Variants in BAZ2B observed in about 807,000 individuals in gnomAD.
BAZ2B encodes bromodomain adjacent to zinc finger domain protein 2B.
A neutral mutation model predicts 246.0 loss-of-function variants in BAZ2B; 91 were observed. The ratio of observed to expected loss-of-function variants is 0.37; its 90% CI spans 0.31 to 0.44. The LOEUF (loss-of-function observed/expected upper bound fraction) is 0.44. Ranked by LOEUF, BAZ2B falls within the 20% of genes least tolerant of loss-of-function variation. The pLI is 1.00. For missense variants in BAZ2B, 2,332 were observed against 2,533.7 expected (o/e 0.92, Z 1.71); for synonymous variants, 855 against 860.0 (o/e 0.99, Z 0.10).
intron 2 of BAZ2B, among the ~76,000 whole-genome samples, chr2:159,525,657 C>G (rs1412564007): frequency 6.6e-6 from 1 of 152,048 alleles, no homozygotes; most frequent in Non-Finnish European, 1.5e-5. Context: ...AGCTTCTAGA[C>G]CCAACCATTT....
chr2:159,360,444 G>A (rs2059561831), intron 27 of BAZ2B, among the ~76,000 whole-genome samples: 1 of 152,096 alleles, frequency 6.6e-6, no homozygotes, highest in Non-Finnish European at 1.5e-5. Flanking sequence ...ACTGCTCAAG[G>A]AAATAAGAGA....
At chr2:159,652,461 C>T in the BAZ2B span, among the ~76,000 whole-genome samples, 10 of 152,158 alleles carry the variant, frequency 6.6e-5, no homozygotes, top group African/African-American at 2.2e-4. Flanking sequence ...CCACCCACCT[C>T]GGCCTCCTAA....
chr2:159,505,184 G>A (rs1577892253), intron 2 of BAZ2B, among the ~76,000 whole-genome samples: 1 of 152,304 alleles, frequency 6.6e-6, no homozygotes, highest in South Asian at 2.1e-4. Context: ...AGAAGTATAT[G>A]TAATTTCATA....
At chr2:159,419,186 T>G (rs978702215) in intron 13 of BAZ2B, among the ~76,000 whole-genome samples, 1 of 152,166 alleles carries the variant, frequency 6.6e-6, no homozygotes, top group Non-Finnish European at 1.5e-5. Flanking sequence ...AAATTGATCT[T>G]AAAGACCTCT....
chr2:159,512,458 T>A (rs2083029258), intron 2 of BAZ2B, among the ~76,000 whole-genome samples: 2 of 152,190 alleles, frequency 1.3e-5, no homozygotes. Flanking sequence ...TAGAGATTAC[T>A]GGTTTTCCAG....
intron 2 of BAZ2B, among the ~76,000 whole-genome samples, chr2:159,531,787 C>G (rs996914911): frequency 1.3e-5 from 2 of 152,136 alleles, no homozygotes; most frequent in Non-Finnish European, 2.9e-5. Context: ...GCAGATGATA[C>G]ATATATCCCC....
intron 25 of BAZ2B, among the ~76,000 whole-genome samples, chr2:159,381,928 T>C (rs1248103004): frequency 2.0e-5 from 3 of 152,220 alleles, no homozygotes; most frequent in Non-Finnish European, 2.9e-5. Context: ...GCTCAGCTTA[T>C]AGCCTGAGCT....
intron 6 of BAZ2B, among the ~76,000 whole-genome samples, chr2:159,440,514 C>CTGTTTTTTTTTTTTTTTTTTTTTTT (rs1234904617): frequency 1.6e-5 from 1 of 61,416 alleles, no homozygotes; most frequent in African/African-American, 3.6e-5. Context: ...TGCAATGACT[C>CTGTTTTTTTTTTTTTTTTTTTTTTT]TTGTTTTTTT....
At chr2:159,387,015 C>T (rs2062726184) in intron 21 of BAZ2B, among the ~76,000 whole-genome samples, 1 of 152,120 alleles carries the variant, frequency 6.6e-6, no homozygotes, top group Admixed American at 6.6e-5. Flanking sequence ...CTTATAGGGG[C>T]ATGTGCACCA....
At chr2:159,356,937 TA>T (rs1265530163) in intron 27 of BAZ2B, among the ~76,000 whole-genome samples, 1 of 151,856 alleles carries the variant, frequency 6.6e-6, no homozygotes, top group African/African-American at 2.4e-5. Context: ...AACATCAACA[TA>T]AAGGACATCC....
intron 26 of BAZ2B, 143 bp from the exon 27 acceptor site, chr2:159,373,332 C>A (rs2061055420): frequency 3.4e-6 from 2 of 581,916 alleles, no homozygotes; most frequent in Non-Finnish European, 5.3e-6. Context: ...AATATTCATG[C>A]CTGACTTCAA....
At chr2:159,635,373 A>T in the BAZ2B span, among the ~76,000 whole-genome samples, 1 of 132,596 alleles carries the variant, frequency 7.5e-6, no homozygotes, top group Admixed American at 7.2e-5. Flanking sequence ...AAATAAAAAT[A>T]AAAAAAATAA....
chr2:159,570,289 A>T (rs1683666568), intron 1 of BAZ2B, among the ~76,000 whole-genome samples: 1 of 151,078 alleles, frequency 6.6e-6, no homozygotes, highest in Admixed American at 6.6e-5. Context: ...GGTTCAAGAG[A>T]TTCTCTTGCC....
chr2:159,404,965 T>G, intron 15 of BAZ2B, 55 bp from the exon 16 acceptor site: 4 of 1,611,090 alleles, frequency 2.5e-6, no homozygotes, highest in Non-Finnish European at 3.4e-6. Context: ...AAAAGAAAAC[T>G]CTTATGAATT....
At chr2:159,594,871 T>C (rs1002349063) in intron 1 of BAZ2B, among the ~76,000 whole-genome samples, 1 of 152,090 alleles carries the variant, frequency 6.6e-6, no homozygotes, top group African/African-American at 2.4e-5. Context: ...AAGCTCAAGC[T>C]GTTTGCCTGC....
chr2:159,495,398 T>C (rs1003690822), intron 2 of BAZ2B, among the ~76,000 whole-genome samples: 3 of 134,494 alleles, frequency 2.2e-5, no homozygotes, highest in East Asian at 4.4e-4. Context: ...GGCAGGAGAA[T>C]GGCGTGAACC....
rs190923766 is a variant in BAZ2B, at chr2:159,603,130, C to A, written c.-46+13112G>T. On this transcript the variant is annotated intron_variant, in intron 1 of 36. Coordinates refer to ENST00000392783, the MANE Select transcript of BAZ2B (RefSeq NM_013450.4). Reference sequence around the variant, plus strand: ...CCAGCCTAGGCAACAGAGCGAGACTCCGTCTCAAAAAAACAAAAACAAAAA... The same window carrying A: ...CCAGCCTAGGCAACAGAGCGAGACTACGTCTCAAAAAAACAAAAACAAAAA... Among the ~76,000 whole-genome samples, 207 of 152,258 alleles carry A rather than the reference C, an allele frequency of 1.4e-3. 1 individual carries two copies. Among genetic ancestry groups the A allele is most frequent in the Middle Eastern group, 0.01 (3 of 294 alleles).
At chr2:159,341,566 A>C (rs2066727876) in intron 31 of BAZ2B, among the ~76,000 whole-genome samples, 1 of 152,200 alleles carries the variant, frequency 6.6e-6, no homozygotes, top group African/African-American at 2.4e-5. Context: ...CAGCTGCAGA[A>C]TACACATTAT....
chr2:159,695,727 C>T, the BAZ2B span, among the ~76,000 whole-genome samples: 1 of 151,920 alleles, frequency 6.6e-6, no homozygotes, highest in Non-Finnish European at 1.5e-5. Context: ...CAGTTCTATT[C>T]CATTGATCTA....
Sources: allele counts gnomAD v4.1 joint callset (sites outside exome capture counted in the v4.1 genomes callset), GRCh38; gene constraint gnomAD v4.1.1; transcripts MANE v1.5; gene names NCBI Gene and HGNC (gene_info 2026-07-23, HGNC 2026-07-21).